The following EPHA6 variants were observed in gnomAD, a reference collection of about 807,000 sequenced individuals.
EPHA6 encodes ephrin type-A receptor 6.
A neutral mutation model predicts 112.0 loss-of-function variants in EPHA6; 50 were observed. That is an observed-to-expected ratio of 0.45 (90% CI 0.36 to 0.56). The LOEUF is 0.56. EPHA6 is among the 20% of genes least tolerant of loss of function. The pLI, the probability that EPHA6 is intolerant of heterozygous loss-of-function variation, is 0.00. For synonymous variants in EPHA6, 529 were observed against 490.7 expected, an observed-to-expected ratio of 1.08 and a Z score of -1.03; for missense variants, 1,280 against 1,417.4, an observed-to-expected ratio of 0.90 and a Z score of 1.56.
At chr3:96,887,557 T>C (rs1261852277) in intron 2 of EPHA6, among the ~76,000 whole-genome samples, 7 of 152,170 alleles carry the variant, frequency 4.6e-5, no homozygotes, top group Admixed American at 4.6e-4. Context: ...GCTCTATTTT[T>C]GTGCTGGTTG....
At chr3:97,106,387 TATATTA>T in intron 3 of EPHA6, among the ~76,000 whole-genome samples, 1 of 152,164 alleles carries the variant, frequency 6.6e-6, no homozygotes, top group East Asian at 1.9e-4. Context: ...AGCACATCCT[TATATTA>T]ATATTGCAAA....
At chr3:97,439,345 T>A (rs2090017871) in intron 6 of EPHA6, among the ~76,000 whole-genome samples, 1 of 152,158 alleles carries the variant, frequency 6.6e-6, no homozygotes, top group Non-Finnish European at 1.5e-5. Context: ...AATAACTACT[T>A]CTACATTTTT....
intron 13 of EPHA6, among the ~76,000 whole-genome samples, chr3:97,629,109 G>C (rs1043185947): frequency 6.6e-6 from 1 of 151,774 alleles, no homozygotes; most frequent in East Asian, 1.9e-4. Context: ...TTTTATTTTT[G>C]TAGAGATGGG....
intron 3 of EPHA6, among the ~76,000 whole-genome samples, chr3:97,188,247 C>A (rs1044402943): frequency 1.3e-5 from 2 of 152,034 alleles, no homozygotes; most frequent in African/African-American, 2.4e-5. Context: ...ATGGCATTTA[C>A]TTATGATGGG....
chr3:97,705,439 GTTACA>G (rs2033625877), intron 14 of EPHA6, among the ~76,000 whole-genome samples: 1 of 152,092 alleles, frequency 6.6e-6, no homozygotes, highest in South Asian at 2.1e-4. Context: ...AGAAAAACCT[GTTACA>G]TGATTAGCAC....
At chr3:97,124,682 A>G (rs947601394) in intron 3 of EPHA6, among the ~76,000 whole-genome samples, 4 of 152,112 alleles carry the variant, frequency 2.6e-5, no homozygotes, top group African/African-American at 9.7e-5. Flanking sequence ...CCTTGTGTCT[A>G]TCCCATCCCA....
chr3:97,162,511 G>A (rs913627409), intron 3 of EPHA6, among the ~76,000 whole-genome samples: 9 of 152,112 alleles, frequency 5.9e-5, no homozygotes, highest in East Asian at 1.9e-4. Context: ...ACTCTAACTG[G>A]TAGACCATAG....
intron 10 of EPHA6, among the ~76,000 whole-genome samples, chr3:97,531,771 G>A (rs1560105837): frequency 6.6e-6 from 1 of 152,076 alleles, no homozygotes; most frequent in Non-Finnish European, 1.5e-5. Context: ...TGGAGACAAT[G>A]CTGAAACATA....
intron 3 of EPHA6, among the ~76,000 whole-genome samples, chr3:97,001,016 T>TTATATATATA (rs1334953124): frequency 3.6e-5 from 3 of 83,208 alleles, no homozygotes; most frequent in Admixed American, 1.0e-4. Flanking sequence ...AGTCAGAAAT[T>TTATATATATA]GATATATATA....
chr3:97,638,173 T>G, intron 14 of EPHA6, 91 bp downstream of exon 14: 3 of 922,854 alleles, frequency 3.3e-6, no homozygotes, highest in Non-Finnish European at 4.8e-6. Flanking sequence ...TTCCTAATTT[T>G]CTGCTTGTAT....
intron 1 of EPHA6, among the ~76,000 whole-genome samples, chr3:96,862,908 A>C (rs1216177300): frequency 6.6e-6 from 1 of 151,968 alleles, no homozygotes; most frequent in Admixed American, 6.6e-5. Context: ...GCATGAATAA[A>C]GGCAACTCTA....
At chr3:97,420,293 TA>T (rs367582375) in intron 6 of EPHA6, among the ~76,000 whole-genome samples, 14,827 of 143,544 alleles carry the variant, frequency 0.1, 2,247 homozygotes, top group African/African-American at 0.34. Flanking sequence ...CTTTGATTCT[TA>T]AAAAAAAAAA....
At chr3:97,194,577 G>A (rs2077391769) in intron 3 of EPHA6, among the ~76,000 whole-genome samples, 1 of 151,952 alleles carries the variant, frequency 6.6e-6, no homozygotes, top group Non-Finnish European at 1.5e-5. Flanking sequence ...AAATCTATTA[G>A]GTCTATTTAA....
intron 3 of EPHA6, among the ~76,000 whole-genome samples, chr3:97,174,115 T>A (rs2076770968): frequency 6.6e-6 from 1 of 151,500 alleles, no homozygotes; most frequent in East Asian, 1.9e-4. Flanking sequence ...AATTTTTAGA[T>A]CCCACAGATA....
At chr3:97,142,941 T>C (rs2075950201) in intron 3 of EPHA6, among the ~76,000 whole-genome samples, 1 of 151,830 alleles carries the variant, frequency 6.6e-6, no homozygotes, top group Non-Finnish European at 1.5e-5. Flanking sequence ...ATGCCCACTG[T>C]CACCACTCCT....
intron 11 of EPHA6, chr3:97,559,466 A>G (rs1040975291): frequency 3.1e-6 from 1 of 319,342 alleles, no homozygotes; most frequent in African/African-American, 2.2e-5. Flanking sequence ...TTCTAGAAAC[A>G]AAGAAATTCT....
intron 11 of EPHA6, among the ~76,000 whole-genome samples, chr3:97,539,479 A>C (rs2107670023): frequency 6.6e-6 from 1 of 152,246 alleles, no homozygotes. Flanking sequence ...TTAGGTGTTC[A>C]GTAATGAATA....
rs138190213 is a variant in EPHA6 at position 96,972,542 on chromosome 3, T to C, written c.451-14788T>C. ...TTCCGTGTTATTAGAATATTTCCTT[T>C]TCTGTTACCTACTGTCAGCATATTT... On this transcript the variant is annotated intron_variant, in intron 2 of 17. Transcript: ENST00000389672. Among the ~76,000 whole-genome samples, 27 of 152,204 alleles carry C rather than the reference T, an allele frequency of 1.8e-4. No individual in the cohort carries two copies. The East Asian group carries it at 5.0e-3, about 28-fold the overall frequency.
At chr3:97,649,764 T>TCACACA (rs3064341) in intron 14 of EPHA6, among the ~76,000 whole-genome samples, 1 of 148,034 alleles carries the variant, frequency 6.8e-6, no homozygotes, top group Admixed American at 6.8e-5. Flanking sequence ...AAATCACTAT[T>TCACACA]CACACACACA....
Sources: gnomAD v4.1 joint callset for allele counts (sites outside exome capture counted in the v4.1 genomes callset) on GRCh38, gnomAD v4.1.1 for gene constraint, MANE v1.5 for transcripts, NCBI Gene and HGNC (gene_info 2026-07-23, HGNC 2026-07-21) for gene names.